Variants in GAREM2 observed in about 807,000 individuals in gnomAD.
GAREM2 encodes the protein GRB2-associated and regulator of MAPK protein 2.
Under a neutral mutation model 55.6 loss-of-function variants are expected in GAREM2, and 30 were observed. The ratio of observed to expected loss-of-function variants is 0.54; its 90% CI spans 0.40 to 0.73. The LOEUF (loss-of-function observed/expected upper bound fraction) is 0.73. Among genes scored for constraint, GAREM2 ranks in the 30% least tolerant of loss-of-function variants. The pLI is 0.00. For missense variants in GAREM2, 1,075 were observed against 1,257.7 expected (o/e 0.85, Z 2.20); for synonymous variants, 550 against 569.1 (o/e 0.97, Z 0.48).
At chr2:26,182,233 C>T (rs1389326667) in intron 2 of GAREM2, 3 of 1,412,138 alleles carry the variant, frequency 2.1e-6, no homozygotes, top group East Asian at 5.2e-5. Context: ...CTCCTAGGGG[C>T]ATGTGCTGAG....
At chr2:26,182,622 A>G (rs947400281) in intron 2 of GAREM2, 1 of 907,258 alleles carries the variant, frequency 1.1e-6, no homozygotes, top group Non-Finnish European at 1.7e-6. Flanking sequence ...TCCCGGTACC[A>G]CACTGATAGT....
chr2:26,187,299 C>G lies in GAREM2; in HGVS notation c.1667C>G (p.Thr556Ser). 1.3e-6 allele frequency: 2 copies of G among 1,511,536 alleles called. No homozygotes were observed. The highest frequency in any genetic ancestry group is 1.8e-6 in the Non-Finnish European group (2 of 1,127,110). The allele number at this position is 1,511,536 out of a possible 1,614,324, so 93.6% of individuals were successfully genotyped here. Reference protein sequence around the residue: ...DTYSLYCYPCTWGDCKVGESS... With the variant: ...DTYSLYCYPCSWGDCKVGESS... ...TACTCCCTCTATTGCTACCCATGCACCTGGGGAGACTGCAAGGTGGGCGAG... is the reference window on the plus strand; with the variant it reads ...TACTCCCTCTATTGCTACCCATGCAGCTGGGGAGACTGCAAGGTGGGCGAG... Residue 556 changes from threonine (T) to serine (S), a missense_variant, in exon 6 of 6, where the codon ACC becomes AGC. Thr to Ser is a moderately conservative substitution (Grantham distance 58). This residue lies in a region of GAREM2 where 515 missense variants were observed against 501.5 expected (regional missense o/e 1.03). Transcript: ENST00000401533.
At chr2:26,203,263 A>C in the GAREM2 span, among the ~76,000 whole-genome samples, 1 of 152,202 alleles carries the variant, frequency 6.6e-6, no homozygotes, top group South Asian at 2.1e-4. Flanking sequence ...AAGCTATCTA[A>C]TCCATTTAAG....
intron 2 of GAREM2, chr2:26,181,094 T>C: frequency 1.0e-6 from 1 of 985,558 alleles, no homozygotes; most frequent in Non-Finnish European, 1.2e-6. Context: ...TTTGTTTACC[T>C]GACTGGTCTC....
chr2:26,180,539 T>G (rs148625691), intron 2 of GAREM2, among the ~76,000 whole-genome samples: 58 of 152,324 alleles, frequency 3.8e-4, no homozygotes, highest in African/African-American at 1.4e-3. Flanking sequence ...TTTCTTGGCC[T>G]CTCCAGGATC....
chr2:26,191,710 G>A (rs1669511048), downstream of GAREM2: 2 of 1,435,424 alleles, frequency 1.4e-6, no homozygotes, highest in Non-Finnish European at 2.0e-6. Flanking sequence ...ATGGAAGTCG[G>A]GATGGGTGCA....
the GAREM2 span, among the ~76,000 whole-genome samples, chr2:26,202,726 G>A: frequency 1.1e-4 from 17 of 152,328 alleles, no homozygotes; most frequent in African/African-American, 4.1e-4. Flanking sequence ...CGGTAATAGA[G>A]TGAGACTGTC....
At chr2:26,202,346 A>G in the GAREM2 span, among the ~76,000 whole-genome samples, 1 of 152,220 alleles carries the variant, frequency 6.6e-6, no homozygotes, top group Non-Finnish European at 1.5e-5. Context: ...AATTACCTAC[A>G]GTTTTCCTCT....
chr2:26,195,295 C>T, the GAREM2 span: 1 of 1,350,882 alleles, frequency 7.4e-7, no homozygotes, highest in Non-Finnish European at 1.1e-6. Context: ...GAGAGCATTC[C>T]TTCTCTGCTA....
chr2:26,184,904 C>T lies in GAREM2; in HGVS notation c.1056C>T (p.Phe352=). 6.9e-7 allele frequency: 1 copy of T among 1,449,742 alleles called. No individual in the cohort carries two copies. Among genetic ancestry groups the T allele is most frequent in the Non-Finnish European group, 9.0e-7 (1 of 1,110,642 alleles). The allele number at this position is 1,449,742 out of a possible 1,614,324, so 89.8% of individuals were successfully genotyped here. A position where few individuals can be genotyped will look rare whatever the true frequency, so the allele number is the denominator to read the frequency against. The change falls in exon 4 of 6, where the codon TTC becomes TTT. Residue 352 remains phenylalanine, a synonymous_variant. Coordinates refer to ENST00000401533, the MANE Select transcript of GAREM2 (RefSeq NM_001168241.2). ...RDSASYCRER[F]DPDEYSTAVR... is the part of the protein sequence containing the mutation. The stretch of plus-strand genomic sequence containing the variant: ...GCGCCTCCTACTGCCGCGAGCGCTT[C>T]GACCCCGACGAGTACTCCACGGCCG...
rs1669256054 is a variant in GAREM2 at position 26,186,320 on chromosome 2, C to T, written c.1560C>T (p.Ser520=). ...FPKLQPVHSP[S]SSLSYYSSGL... ...AGCTGCAGCCGGTACATTCCCCCAG[C>T]TCCAGCCTCTCCTACTACTCCTCTG... The change falls in exon 5 of 6, where the codon AGC becomes AGT. Residue 520 remains serine, a synonymous_variant. Coordinates refer to ENST00000401533, the MANE Select transcript of GAREM2 (RefSeq NM_001168241.2). 6.4e-7 allele frequency: 1 copy of T among 1,551,816 alleles called. No individual in the cohort carries two copies. The highest frequency in any genetic ancestry group is 8.7e-7 in the Non-Finnish European group (1 of 1,147,010).
intron 2 of GAREM2, 72 bp downstream of exon 2, chr2:26,176,556 A>G (rs751173063): frequency 2.3e-6 from 3 of 1,299,564 alleles, no homozygotes; most frequent in Non-Finnish European, 3.0e-6. Flanking sequence ...GGCCAGGGGT[A>G]GGGGGAACGC....
intron 4 of GAREM2, 89 bp from the exon 5 acceptor site, chr2:26,186,100 C>G: frequency 7.7e-7 from 1 of 1,293,530 alleles, no homozygotes; most frequent in Non-Finnish European, 1.0e-6. Context: ...CAGGCCCAGA[C>G]AGCCCCCTCG....
the GAREM2 span, chr2:26,201,296 T>C: frequency 6.2e-7 from 1 of 1,610,888 alleles, no homozygotes; most frequent in Non-Finnish European, 8.5e-7. Context: ...ATGTTAGAGC[T>C]TTCTTCTTCA....
chr2:26,174,603 C>T (rs1668800994), intron 1 of GAREM2, among the ~76,000 whole-genome samples: 1 of 152,160 alleles, frequency 6.6e-6, no homozygotes, highest in South Asian at 2.1e-4. Context: ...CATCCTTGCC[C>T]AATAAAGATT....
chr2:26,182,569 C>T lies in GAREM2; in HGVS notation c.254-398C>T, dbSNP rs535316813. On this transcript the variant is annotated intron_variant, in intron 2 of 5. Transcript: ENST00000401533. ...CCCAGAGAGGGAAAGGAACTTGTCA[C>T]GGCAAGTCAGAGGTCAGGCTGGGAC... is the stretch of plus-strand genomic sequence containing the variant. The T allele has an allele frequency of 2.5e-5, 35 of 1,409,144 alleles. No homozygotes were observed. In the East Asian group the frequency reaches 5.0e-4, roughly 20 times the overall value. 87.3% of individuals were successfully genotyped at this position (1,409,144 alleles called of 1,614,324 possible). A position where few individuals can be genotyped will look rare whatever the true frequency, so the allele number is the denominator to read the frequency against.
chr2:26,184,418 C>T lies in GAREM2; in HGVS notation c.570C>T (p.Gly190=). ...RAGALAGVGG[G]GPASAGAAGG... is the part of the protein sequence containing the mutation. ...GGGCGCTGGCCGGGGTGGGCGGCGG[C>T]GGCCCAGCGAGCGCGGGGGCCGCGG... The change falls in exon 4 of 6, where the codon GGC becomes GGT. Residue 190 remains glycine (G), a synonymous_variant. Transcript: ENST00000401533. 1 of 1,471,694 alleles carries T rather than the reference C, an allele frequency of 6.8e-7. No individual in the cohort carries two copies. The highest frequency in any genetic ancestry group is 9.0e-7 in the Non-Finnish European group (1 of 1,110,744). The allele number at this position is 1,471,694 out of a possible 1,614,324, so 91.2% of individuals were successfully genotyped here. A position where few individuals can be genotyped will look rare whatever the true frequency, so the allele number is the denominator to read the frequency against.
At chr2:26,187,064 G>A (rs2147740642) in intron 5 of GAREM2, among the ~76,000 whole-genome samples, 167 bp from the exon 6 acceptor site, 1 of 152,368 alleles carries the variant, frequency 6.6e-6, no homozygotes, top group South Asian at 2.1e-4. Context: ...GCTGGGGGAT[G>A]CTGGAAGGAA....
chr2:26,178,375 A>C (rs995904760), intron 2 of GAREM2, among the ~76,000 whole-genome samples: 2 of 151,452 alleles, frequency 1.3e-5, no homozygotes, highest in Non-Finnish European at 2.9e-5. Context: ...CAGCCTGGGC[A>C]ACATAGCGAG....
Sources: allele counts gnomAD v4.1 joint callset (sites outside exome capture counted in the v4.1 genomes callset), GRCh38; gene constraint gnomAD v4.1.1; regional missense constraint gnomAD v4.1.1; transcripts MANE v1.5; gene names NCBI Gene and HGNC (gene_info 2026-07-23, HGNC 2026-07-21).